Variants in FBXL17 observed in about 807,000 individuals in gnomAD.
FBXL17 encodes the protein F-box/LRR-repeat protein 17.
FBXL17 carries 22 observed loss-of-function variants against 66.2 expected under a neutral mutation model. That is an observed-to-expected ratio of 0.33 (90% CI 0.24 to 0.47). The LOEUF is 0.47. Among genes scored for constraint, FBXL17 ranks in the 20% least tolerant of loss-of-function variants. The probability of loss-of-function intolerance (pLI) is 1.00; values close to 1 mark genes in which losing one functional copy is unlikely to be tolerated. For missense variants in FBXL17, 878 were observed against 948.2 expected, an observed-to-expected ratio of 0.93 and a Z score of 0.97; for synonymous variants, 474 against 400.5, an observed-to-expected ratio of 1.18 and a Z score of -2.19.
intron 4 of FBXL17, among the ~76,000 whole-genome samples, chr5:108,258,117 AT>A (rs1204045376): frequency 6.6e-6 from 1 of 152,176 alleles, no homozygotes; most frequent in Non-Finnish European, 1.5e-5. Context: ...TCCAGACTGT[AT>A]CTGGAGATAG....
intron 7 of FBXL17, among the ~76,000 whole-genome samples, chr5:107,985,312 T>C (rs987005580): frequency 6.6e-6 from 1 of 152,234 alleles, no homozygotes; most frequent in African/African-American, 2.4e-5. Context: ...CTTCAGAGCA[T>C]GCCACATCTA....
chr5:107,955,654 G>A lies in FBXL17; in HGVS notation c.1822+65271C>T, dbSNP rs145854035. ...CTCCATGAAAAATGCACTGGCTTAT[G>A]GAAAAACTAATTTTGTAAACTAAAA... On this transcript the variant is annotated intron_variant, in intron 7 of 8. Coordinates refer to ENST00000542267, the MANE Select transcript of FBXL17 (RefSeq NM_001163315.3). Among the ~76,000 whole-genome samples, 224 of 152,214 alleles carry A rather than the reference G, an allele frequency of 1.5e-3. 3 individuals are homozygous for A. In the South Asian group the frequency reaches 0.016, roughly 11 times the overall value.
chr5:108,147,924 T>A lies in FBXL17; in HGVS notation c.1745+38193A>T, dbSNP rs146726866. 4.3e-3 allele frequency among the ~76,000 whole-genome samples: 643 copies of A among 150,988 alleles called. 3 individuals carry two copies. Among genetic ancestry groups the A allele is most frequent in the African/African-American group, 0.015 (614 of 41,108 alleles). On this transcript the variant is annotated intron_variant, in intron 6 of 8. Coordinates refer to ENST00000542267, the MANE Select transcript of FBXL17 (RefSeq NM_001163315.3). Reference sequence around the variant, plus strand: ...TCAATGAGCTGAAAAAAAAAACTCATAATGTAGAATTTAATATTCAGCCAA... The same window carrying A: ...TCAATGAGCTGAAAAAAAAAACTCAAAATGTAGAATTTAATATTCAGCCAA...
chr5:108,043,584 T>C (rs1257437537), intron 6 of FBXL17, among the ~76,000 whole-genome samples: 1 of 152,198 alleles, frequency 6.6e-6, no homozygotes, highest in African/African-American at 2.4e-5. Context: ...CATTAATCTG[T>C]ATGTCTAGTG....
intron 7 of FBXL17, among the ~76,000 whole-genome samples, chr5:107,908,802 G>A (rs1205050641): frequency 1.3e-5 from 2 of 152,126 alleles, no homozygotes; most frequent in Non-Finnish European, 2.9e-5. Context: ...ATCAGGGTGG[G>A]AAATGTAGTT....
chr5:108,263,993 A>G (rs1187864328), intron 4 of FBXL17, among the ~76,000 whole-genome samples: 4 of 152,082 alleles, frequency 2.6e-5, no homozygotes, highest in Admixed American at 6.6e-5. Flanking sequence ...AGGCGGGTAG[A>G]TCACGAGGTC....
chr5:107,909,192 G>T (rs943470856), intron 7 of FBXL17, among the ~76,000 whole-genome samples: 1 of 152,088 alleles, frequency 6.6e-6, no homozygotes, highest in Non-Finnish European at 1.5e-5. Flanking sequence ...CAGTCAGACC[G>T]TTTTGAAGGC....
rs570902081 is a variant in FBXL17 at position 108,338,644 on chromosome 5, C to G, written c.1506+9755G>C. On this transcript the variant is annotated intron_variant, in intron 4 of 8. Coordinates refer to ENST00000542267, the MANE Select transcript of FBXL17 (RefSeq NM_001163315.3). Reference sequence around the variant, plus strand: ...CCTAGATGTGGCTACAACTAAGATGCAAGAGAAGAAGGGTTGGGAAAAAAA... The same window carrying G: ...CCTAGATGTGGCTACAACTAAGATGGAAGAGAAGAAGGGTTGGGAAAAAAA... Among the ~76,000 whole-genome samples the G allele has an allele frequency of 1.6e-4, 24 of 151,940 alleles. 1 individual carries two copies. In the South Asian group the frequency reaches 5.0e-3, roughly 32 times the overall value.
intron 6 of FBXL17, among the ~76,000 whole-genome samples, chr5:108,053,261 C>T (rs781122274): frequency 1.3e-5 from 2 of 151,800 alleles, no homozygotes; most frequent in African/African-American, 2.4e-5. Flanking sequence ...GAACAGGCAA[C>T]CTAAAGAATG....
At chr5:108,317,602 T>G (rs889026802) in intron 4 of FBXL17, among the ~76,000 whole-genome samples, 1 of 151,174 alleles carries the variant, frequency 6.6e-6, no homozygotes, top group Non-Finnish European at 1.5e-5. Flanking sequence ...GGTATAAAAA[T>G]TAGGATATAA....
chr5:108,381,973 G>C lies in FBXL17; in HGVS notation c.-282C>G. ...AGGGAGGGAGCGAGCGAGCCTGCCG[G>C]CTAGGCGACCAGTCCGGGCCCGGCC... On this transcript the variant is annotated 5_prime_UTR_variant, in exon 1 of 9. Transcript: ENST00000542267. The C allele has an allele frequency of 8.2e-7, 1 of 1,221,592 alleles. No homozygotes were observed. The highest frequency in any genetic ancestry group is 1.0e-6 in the Non-Finnish European group (1 of 978,724). 75.7% of individuals were successfully genotyped at this position (1,221,592 alleles called of 1,614,324 possible). A position where few individuals can be genotyped will look rare whatever the true frequency, so the allele number is the denominator to read the frequency against.
rs568306148 is a variant in FBXL17, at chr5:108,024,988, G to A, written c.1746-3987C>T. On this transcript the variant is annotated intron_variant, in intron 6 of 8. Transcript: ENST00000542267. ...TGTGTAAGCTTCAAAACTATCAAAG[G>A]AATTCAAAAGAGCCTTGAATTATGG... 4.2e-4 allele frequency among the ~76,000 whole-genome samples: 64 copies of A among 152,148 alleles called. No individual in the cohort carries two copies. The South Asian group carries it at 6.9e-3, about 16-fold the overall frequency.
intron 7 of FBXL17, among the ~76,000 whole-genome samples, chr5:107,893,829 A>G (rs774385568): frequency 2.0e-5 from 3 of 152,136 alleles, no homozygotes; most frequent in Non-Finnish European, 2.9e-5. Flanking sequence ...GCAGTTTGGA[A>G]AAAGCTGACA....
chr5:107,950,537 G>A (rs1751463741), intron 7 of FBXL17, among the ~76,000 whole-genome samples: 1 of 152,124 alleles, frequency 6.6e-6, no homozygotes, highest in African/African-American at 2.4e-5. Flanking sequence ...AAAGCAGAAC[G>A]TCCCACAGAA....
intron 4 of FBXL17, among the ~76,000 whole-genome samples, chr5:108,340,702 G>A (rs529316234): frequency 6.6e-6 from 1 of 152,220 alleles, no homozygotes; most frequent in East Asian, 1.9e-4. Context: ...GCTATTTTAA[G>A]CTTTTATTTA....
At chr5:108,017,030 C>T (rs1346060241) in intron 7 of FBXL17, among the ~76,000 whole-genome samples, 1 of 152,064 alleles carries the variant, frequency 6.6e-6, no homozygotes, top group African/African-American at 2.4e-5. Context: ...CCACCTACCT[C>T]GGCCTCCCAA....
intron 4 of FBXL17, among the ~76,000 whole-genome samples, chr5:108,241,468 A>C (rs893769935): frequency 2.0e-5 from 3 of 152,190 alleles, no homozygotes; most frequent in Non-Finnish European, 4.4e-5. Flanking sequence ...GAACAAAGAA[A>C]AAAAAAGAAT....
At chr5:108,161,257 C>T (rs1369323208) in intron 6 of FBXL17, among the ~76,000 whole-genome samples, 3 of 152,034 alleles carry the variant, frequency 2.0e-5, no homozygotes, top group South Asian at 2.1e-4. Context: ...CCCAGGTGGG[C>T]GGACTGCCTG....
intron 6 of FBXL17, among the ~76,000 whole-genome samples, chr5:108,170,395 G>C (rs181118050): frequency 1.6e-3 from 245 of 152,184 alleles, no homozygotes; most frequent in Middle Eastern, 3.4e-3. Flanking sequence ...ATATTAACTA[G>C]TTTATGGATG....
Sources: allele counts gnomAD v4.1 joint callset (sites outside exome capture counted in the v4.1 genomes callset), GRCh38; gene constraint gnomAD v4.1.1; transcripts MANE v1.5; gene names NCBI Gene and HGNC (gene_info 2026-07-23, HGNC 2026-07-21).